Variants in PXDC1 observed in about 807,000 individuals in gnomAD.
PXDC1 encodes PX domain containing 1, also known as PX domain-containing protein 1.
In PXDC1, 13 loss-of-function variants were observed where a neutral mutation model predicts 24.4. That is an observed-to-expected ratio of 0.53 (90% CI 0.35 to 0.85). The LOEUF (loss-of-function observed/expected upper bound fraction) is 0.85. Ranked by LOEUF, PXDC1 falls within the 40% of genes least tolerant of loss-of-function variation. PXDC1 has a pLI of 0.01. For synonymous variants in PXDC1, 162 were observed against 124.9 expected, an observed-to-expected ratio of 1.30 and a Z score of -1.98; for missense variants, 344 against 309.3, an observed-to-expected ratio of 1.11 and a Z score of -0.84.
At chr6:3,743,809 C>G (rs771013614) in intron 1 of PXDC1, among the ~76,000 whole-genome samples, 1 of 152,228 alleles carries the variant, frequency 6.6e-6, no homozygotes, top group African/African-American at 2.4e-5. Context: ...AGGCCTCCCC[C>G]ACACCTCCAC....
chr6:3,740,494 C>T (rs995311230), intron 1 of PXDC1, among the ~76,000 whole-genome samples: 9 of 152,226 alleles, frequency 5.9e-5, no homozygotes, highest in African/African-American at 1.9e-4. Context: ...TATCTGCCTA[C>T]GCTATCTTCT....
At chr6:3,736,184 A>AC (rs1581246031) in intron 3 of PXDC1, among the ~76,000 whole-genome samples, 1 of 151,216 alleles carries the variant, frequency 6.6e-6, no homozygotes, top group African/African-American at 2.4e-5. Context: ...CTGGGCTCAG[A>AC]CCCCCTCTCA....
chr6:3,738,691 G>C, intron 1 of PXDC1: 1 of 997,236 alleles, frequency 1.0e-6, no homozygotes, highest in Non-Finnish European at 1.4e-6. Flanking sequence ...AACCAAAGTG[G>C]ACACGACTCA....
At chr6:3,740,749 G>A (rs1760433926) in intron 1 of PXDC1, among the ~76,000 whole-genome samples, 1 of 152,186 alleles carries the variant, frequency 6.6e-6, no homozygotes, top group Non-Finnish European at 1.5e-5. Flanking sequence ...GCTCATGATG[G>A]GGCAAAGCCC....
intron 3 of PXDC1, among the ~76,000 whole-genome samples, chr6:3,735,735 A>G (rs1198384560): frequency 6.6e-6 from 1 of 152,216 alleles, no homozygotes; most frequent in Admixed American, 6.5e-5. Context: ...GTATTTCAAA[A>G]TAGCTGGAAG....
chr6:3,751,701 C>CGTG lies in PXDC1; in HGVS notation c.-171_-170insCAC, dbSNP rs1760730506. On this transcript the variant is annotated 5_prime_UTR_variant, in exon 1 of 5. Coordinates refer to ENST00000380283, the MANE Select transcript of PXDC1 (RefSeq NM_183373.4). ...GCCCGCGTTCGGGGCAGCGGGGCGGCGCGGCGGCGAGTGGCTCGGGCCGGC... is the reference window on the plus strand; with the variant it reads ...GCCCGCGTTCGGGGCAGCGGGGCGGCGTGGCGGCGGCGAGTGGCTCGGGCCGGC... 5 of 1,052,938 alleles carry CGTG rather than the reference C, an allele frequency of 4.7e-6. No individual in the cohort carries two copies. Among genetic ancestry groups the CGTG allele is most frequent in the Non-Finnish European group, 6.0e-6 (5 of 834,190 alleles). The allele number at this position is 1,052,938 out of a possible 1,614,324, so 65.2% of individuals were successfully genotyped here. A position where few individuals can be genotyped will look rare whatever the true frequency, so the allele number is the denominator to read the frequency against.
chr6:3,724,229 A>T lies in PXDC1; in HGVS notation c.579-493T>A, dbSNP rs1227714540. ...GGAGAAGAGCCGGCGAGGCCCGTGG[A>T]GGTCACGGGGGGAGACACCTTCTAG... On this transcript the variant is annotated intron_variant, in intron 4 of 4. Coordinates refer to ENST00000380283, the MANE Select transcript of PXDC1 (RefSeq NM_183373.4). This position sits in a 1 kb window ranked among gnomAD's most constrained non-coding sequence, Gnocchi z 4.5. Among the ~76,000 whole-genome samples the T allele has an allele frequency of 6.6e-6, 1 of 152,094 alleles. No individual in the cohort carries two copies. The highest frequency in any genetic ancestry group is 1.5e-5 in the Non-Finnish European group (1 of 68,008).
chr6:3,749,001 T>G (rs913751466), intron 1 of PXDC1, among the ~76,000 whole-genome samples: 1 of 152,200 alleles, frequency 6.6e-6, no homozygotes, highest in East Asian at 1.9e-4. Context: ...TTTACATTAC[T>G]GGGATATATT....
At chr6:3,729,057 C>A (rs1396783903) in intron 3 of PXDC1, among the ~76,000 whole-genome samples, 1 of 152,124 alleles carries the variant, frequency 6.6e-6, no homozygotes, top group Non-Finnish European at 1.5e-5. Context: ...TCCTAACAGC[C>A]CTCCCTCTCC....
chr6:3,733,539 G>A (rs953143330), intron 3 of PXDC1, among the ~76,000 whole-genome samples: 2 of 152,172 alleles, frequency 1.3e-5, no homozygotes, highest in African/African-American at 4.8e-5. Context: ...GAGATCGGAA[G>A]GTCTGGGGGG....
chr6:3,738,084 C>T lies in PXDC1; in HGVS notation c.321G>A (p.Leu107=), dbSNP rs1760367893. 6 of 1,614,026 alleles carry T rather than the reference C, an allele frequency of 3.7e-6. No homozygotes were observed. The Admixed American group carries it at 1.0e-4, about 27-fold the overall frequency. The part of the protein sequence containing the change: ...ETRLNEVEKL[L]KTIISMPCKY... Reference sequence around the variant, plus strand: ...TACAGGGCATGCTTATGATCGTCTTCAGCAGCTTCTCCACCTCATTAAGCC... The same window carrying T: ...TACAGGGCATGCTTATGATCGTCTTTAGCAGCTTCTCCACCTCATTAAGCC... The change falls in exon 2 of 5, where the codon CTG becomes CTA. Residue 107 remains leucine, a synonymous_variant. Transcript: ENST00000380283.
intron 1 of PXDC1, among the ~76,000 whole-genome samples, chr6:3,750,916 G>T (rs890461414): frequency 6.6e-6 from 1 of 151,868 alleles, no homozygotes; most frequent in Non-Finnish European, 1.5e-5. Context: ...GGGAGGTACC[G>T]GGCAGGGGGC....
Position 3,727,599 on chromosome 6 carries a change from A to G in PXDC1, c.530T>C (p.Ile177Thr), listed in dbSNP as rs1239957123. ...NTETIVIDHS[I>T]PNGRDQQLGV... ...CAGCTGCTGGTCTCTTCCATTTGGTATACTGTGGTCAATAACTATTGTTTC... is the reference window on the plus strand; with the variant it reads ...CAGCTGCTGGTCTCTTCCATTTGGTGTACTGTGGTCAATAACTATTGTTTC... Residue 177 changes from isoleucine to threonine, a missense_variant, in exon 4 of 5, where the codon ATA (isoleucine) becomes ACA (threonine). Coordinates refer to ENST00000380283, the MANE Select transcript of PXDC1 (RefSeq NM_183373.4). 1.9e-6 allele frequency: 3 copies of G among 1,613,762 alleles called. No individual in the cohort carries two copies. Among genetic ancestry groups the G allele is most frequent in the African/African-American group, 1.3e-5 (1 of 74,942 alleles).
intron 1 of PXDC1, among the ~76,000 whole-genome samples, chr6:3,741,610 T>G (rs1384184462): frequency 6.6e-6 from 1 of 152,206 alleles, no homozygotes; most frequent in Non-Finnish European, 1.5e-5. Context: ...AGCTGATTCA[T>G]GAAGTGATGA....
intron 1 of PXDC1, among the ~76,000 whole-genome samples, chr6:3,746,532 C>A (rs914413643): frequency 3.9e-5 from 6 of 152,246 alleles, no homozygotes; most frequent in Non-Finnish European, 7.4e-5. Context: ...AAAGCTGCCC[C>A]TCTGGGTGGG....
Position 3,737,780 on chromosome 6 carries a change from A to T in PXDC1, c.348+277T>A, listed in dbSNP as rs2296259. Reference sequence around the variant, plus strand: ...CCTCCTGCAGCCAGAGGGGATCCGCACCCTTCCACCCATGCCTCCTTGCAT... The same window carrying T: ...CCTCCTGCAGCCAGAGGGGATCCGCTCCCTTCCACCCATGCCTCCTTGCAT... On this transcript the variant is annotated intron_variant, in intron 2 of 4. Coordinates refer to ENST00000380283, the MANE Select transcript of PXDC1 (RefSeq NM_183373.4). This position sits in a 1 kb window ranked among gnomAD's most constrained non-coding sequence, Gnocchi z 5.5. 1 of 696,552 alleles carries T rather than the reference A, an allele frequency of 1.4e-6. No homozygotes were observed. The highest frequency in any genetic ancestry group is 1.8e-6 in the Non-Finnish European group (1 of 566,398). 43.1% of individuals were successfully genotyped at this position (696,552 alleles called of 1,614,324 possible).
chr6:3,737,982 A>T lies in PXDC1; in HGVS notation c.348+75T>A, dbSNP rs1760360699. 3 of 1,208,410 alleles carry T rather than the reference A, an allele frequency of 2.5e-6. No homozygotes were observed. The highest frequency in any genetic ancestry group is 2.3e-5 in the East Asian group (1 of 42,798). 74.9% of individuals were successfully genotyped at this position (1,208,410 alleles called of 1,614,324 possible). On this transcript the variant is annotated intron_variant, in intron 2 of 4. Transcript: ENST00000380283. This position sits in a 1 kb window ranked among gnomAD's most constrained non-coding sequence, Gnocchi z 5.5. ...GCAAGCAAGTCAACCCTCCGGGGGG[A>T]TGGACGCCTTTCGCATTTGGGAGGT...
chr6:3,737,008 T>A lies in PXDC1; in HGVS notation c.466+71A>T. Reference sequence around the variant, plus strand: ...TGGCCCAGCCTCAGAGACAGCCAACTGTGAGGGTTTCTGTGACATCTCAGC... The same window carrying A: ...TGGCCCAGCCTCAGAGACAGCCAACAGTGAGGGTTTCTGTGACATCTCAGC... On this transcript the variant is annotated intron_variant, in intron 3 of 4. Coordinates refer to ENST00000380283, the MANE Select transcript of PXDC1 (RefSeq NM_183373.4). This position sits in a 1 kb window ranked among gnomAD's most constrained non-coding sequence, Gnocchi z 5.5. The A allele has an allele frequency of 1.1e-6, 1 of 909,192 alleles. No individual in the cohort carries two copies. The highest frequency in any genetic ancestry group is 1.8e-6 in the Non-Finnish European group (1 of 541,860). 56.3% of individuals were successfully genotyped at this position (909,192 alleles called of 1,614,324 possible). A position where few individuals can be genotyped will look rare whatever the true frequency, so the allele number is the denominator to read the frequency against.
intron 1 of PXDC1, 111 bp from the exon 2 acceptor site, chr6:3,738,259 G>T: frequency 1.3e-6 from 1 of 796,916 alleles, no homozygotes; most frequent in South Asian, 1.5e-5. Flanking sequence ...TCTGTAATGA[G>T]ATGTCGGGAA....
Sources: gnomAD v4.1 joint callset for allele counts (sites outside exome capture counted in the v4.1 genomes callset) on GRCh38, gnomAD v4.1.1 for gene constraint, Gnocchi (gnomAD v3.1) non-coding constraint, MANE v1.5 for transcripts, NCBI Gene and HGNC (gene_info 2026-07-23, HGNC 2026-07-21) for gene names.